Variants in KLHL15 observed in about 807,000 individuals in gnomAD.
KLHL15 encodes the protein kelch like family member 15.
In KLHL15, 1 loss-of-function variant was observed where a neutral mutation model predicts 29.3. The observed-to-expected ratio is 0.03, with a 90% confidence interval of 0.01 to 0.16. The LOEUF is 0.16. Among genes scored for constraint, KLHL15 ranks in the 10% least tolerant of loss-of-function variants. The pLI, the probability that KLHL15 is intolerant of heterozygous loss-of-function variation, is 1.00. For missense variants in KLHL15, 215 were observed against 478.5 expected (o/e 0.45, Z 5.14); for synonymous variants, 212 against 184.5 (o/e 1.15, Z -1.21).
chrX:24,025,269 G>A (rs889341451), intron 1 of KLHL15, among the ~76,000 whole-genome samples: 3 of 110,278 alleles, frequency 2.7e-5, no homozygotes, highest in Admixed American at 9.4e-5. Context: ...GAAGCGTCGA[G>A]GACGGCGTCT....
Position 23,998,948 on chromosome X carries a change from C to CGCA in KLHL15, c.705+7040_705+7041insTGC, listed in dbSNP as rs1929251353. Among the ~76,000 whole-genome samples the CGCA allele has an allele frequency of 5.4e-5, 6 of 111,298 alleles. No individual in the cohort carries two copies. In the South Asian group the frequency reaches 2.3e-3, roughly 42 times the overall value. On this transcript the variant is annotated intron_variant, in intron 3 of 3. Coordinates refer to ENST00000328046, the MANE Select transcript of KLHL15 (RefSeq NM_030624.3). Reference sequence around the variant, plus strand: ...GAGACGGAGTTTCGCTCTTGCTGCCCAGGCTGGAGTGCAGTGGTGCAGTCT... The same window carrying CGCA: ...GAGACGGAGTTTCGCTCTTGCTGCCCGCAAGGCTGGAGTGCAGTGGTGCAGTCT...
At chrX:23,995,488 T>C (rs771367548) in intron 3 of KLHL15, among the ~76,000 whole-genome samples, 38 of 106,636 alleles carry the variant, frequency 3.6e-4, no homozygotes, top group Non-Finnish European at 6.5e-4. Context: ...TTTTTTTTAA[T>C]TCCAGATTTT....
intron 3 of KLHL15, among the ~76,000 whole-genome samples, chrX:24,000,154 T>A (rs1469765620): frequency 8.9e-6 from 1 of 112,250 alleles, no homozygotes; most frequent in Non-Finnish European, 1.9e-5. Context: ...GAAATTCTAA[T>A]CAAATTTCAC....
chrX:23,985,260 A>G lies in KLHL15; in HGVS notation c.*2661T>C, dbSNP rs1280483356. The G allele has an allele frequency of 8.9e-6, 1 of 111,969 alleles. No homozygotes were observed. The highest frequency in any genetic ancestry group is 1.9e-5 in the Non-Finnish European group (1 of 53,184). The allele number at this position is 111,969 out of a possible 1,213,427, so 9.2% of individuals were successfully genotyped here. A position where few individuals can be genotyped will look rare whatever the true frequency, so the allele number is the denominator to read the frequency against. On this transcript the variant is annotated 3_prime_UTR_variant, in exon 4 of 4. Coordinates refer to ENST00000328046, the MANE Select transcript of KLHL15 (RefSeq NM_030624.3). ...ATTCAAATCTTACTGAATTTTTCAA[A>G]AAACTACTTTTTTGAGCGCAATGTA...
Position 24,014,310 on chromosome X carries a change from T to C in KLHL15, c.-7-7610A>G, listed in dbSNP as rs1182165384. Among the ~76,000 whole-genome samples the C allele has an allele frequency of 2.7e-5, 3 of 111,467 alleles. No individual in the cohort carries two copies. The South Asian group carries it at 1.1e-3, about 42-fold the overall frequency. On this transcript the variant is annotated intron_variant, in intron 2 of 3. Coordinates refer to ENST00000328046, the MANE Select transcript of KLHL15 (RefSeq NM_030624.3). ...ATAGAAGGCTGGAAATTAGTGTTCA[T>C]ATACTTGAGAGTAAACTGCTTTGTG...
chrX:23,984,540 TCA>T lies in KLHL15; in HGVS notation c.*3379_*3380del, dbSNP rs1465224089. 8.9e-6 allele frequency: 1 copy of T among 112,393 alleles called. No homozygotes were observed. Among genetic ancestry groups the T allele is most frequent in the Non-Finnish European group, 1.9e-5 (1 of 53,224 alleles). The allele number at this position is 112,393 out of a possible 1,213,427, so 9.3% of individuals were successfully genotyped here. On this transcript the variant is annotated 3_prime_UTR_variant, in exon 4 of 4. Transcript: ENST00000328046. ...ACTATTATCTATGTTGCATTTTACTTCAGTCTAAAACTTTAAATTATGAATTC... is the reference window on the plus strand; with the variant it reads ...ACTATTATCTATGTTGCATTTTACTTGTCTAAAACTTTAAATTATGAATTC...
Position 23,988,753 on chromosome X carries a change from A to G in KLHL15, c.983T>C (p.Phe328Ser). The change falls in exon 4 of 4, where the codon TTT (phenylalanine) becomes TCT (serine). Residue 328 changes from phenylalanine to serine, a missense_variant. Physicochemically the swap from Phe to Ser is radical, Grantham distance 155. Transcript: ENST00000328046. ...CTCTTCCCCGCCTAACAGGAACACA[A>G]AATTATTGACGATAGCAAGGCAGTC... ...RPDCLAIVNNFVFLLGGEELG... is the reference protein window; with the variant it reads ...RPDCLAIVNNSVFLLGGEELG... 1.7e-6 allele frequency: 2 copies of G among 1,211,702 alleles called. No homozygotes were observed. The highest frequency in any genetic ancestry group is 1.1e-6 in the Non-Finnish European group (1 of 895,539).
intron 3 of KLHL15, among the ~76,000 whole-genome samples, chrX:23,994,440 T>C (rs917962091): frequency 2.7e-5 from 3 of 112,628 alleles, no homozygotes; most frequent in African/African-American, 6.4e-5. Context: ...CACTCTGGTA[T>C]ATACCATATG....
intron 2 of KLHL15, 148 bp downstream of exon 2, chrX:24,024,709 T>C (rs1929884265): frequency 3.4e-6 from 1 of 296,112 alleles, no homozygotes. Context: ...TCAAACAATT[T>C]AAGTAAACTC....
chrX:24,026,660 C>G (rs968496498), intron 1 of KLHL15, among the ~76,000 whole-genome samples: 1 of 101,274 alleles, frequency 9.9e-6, no homozygotes, highest in Non-Finnish European at 2.0e-5. Context: ...TTATCTCTTT[C>G]TAGCAAACTT....
At chrX:24,008,899 A>C (rs1239274597) in intron 2 of KLHL15, among the ~76,000 whole-genome samples, 1 of 110,076 alleles carries the variant, frequency 9.1e-6, no homozygotes, top group Admixed American at 9.7e-5. Context: ...CAAAAAAAAA[A>C]CTTTTAGAGC....
In KLHL15 at chrX:24,024,865, G is replaced by A. The variant is rs1465621451; in HGVS notation, c.-16C>T. ...CAGGGGCGGCTACGTACCTCGGGGGGTCCTGTCCAGCCTCTAGTGGACGGC... is the reference window on the plus strand; with the variant it reads ...CAGGGGCGGCTACGTACCTCGGGGGATCCTGTCCAGCCTCTAGTGGACGGC... On this transcript the variant is annotated 5_prime_UTR_variant, in exon 2 of 4. Transcript: ENST00000328046. 2 of 297,188 alleles carry A rather than the reference G, an allele frequency of 6.7e-6. No individual in the cohort carries two copies. The highest frequency in any genetic ancestry group is 1.2e-5 in the Non-Finnish European group (2 of 169,864). 24.5% of individuals were successfully genotyped at this position (297,188 alleles called of 1,213,427 possible).
Position 24,025,051 on chromosome X carries a change from G to C in KLHL15, c.-202C>G, listed in dbSNP as rs1049778884. 2.7e-5 allele frequency: 8 copies of C among 296,639 alleles called. No homozygotes were observed. The highest frequency in any genetic ancestry group is 1.6e-4 in the African/African-American group (6 of 36,887). 24.4% of individuals were successfully genotyped at this position (296,639 alleles called of 1,213,427 possible). ...GAGTGCTCGCCTGCAGCCCCCTCTG[G>C]ATAAGTCCTGGGAAAGAAGACAGCG... On this transcript the variant is annotated 5_prime_UTR_variant, in exon 2 of 4. The change creates a new upstream start codon in the 5' untranslated region. Coordinates refer to ENST00000328046, the MANE Select transcript of KLHL15 (RefSeq NM_030624.3).
intron 3 of KLHL15, among the ~76,000 whole-genome samples, chrX:23,996,229 T>C (rs1453384213): frequency 9.0e-6 from 1 of 111,616 alleles, no homozygotes; most frequent in Non-Finnish European, 1.9e-5. Context: ...CCTTTCTACA[T>C]CCAAAAAATG....
intron 2 of KLHL15, among the ~76,000 whole-genome samples, chrX:24,014,318 A>G (rs1436711527): frequency 1.8e-5 from 2 of 111,537 alleles, no homozygotes; most frequent in Non-Finnish European, 3.8e-5. Flanking sequence ...CATATACTTG[A>G]GAGTAAACTG....
intron 2 of KLHL15, among the ~76,000 whole-genome samples, chrX:24,011,341 TAAA>T (rs565354614): frequency 3.6e-5 from 3 of 83,936 alleles, no homozygotes; most frequent in Non-Finnish European, 4.7e-5. Context: ...CACTGTCTCT[TAAA>T]AAAAAAAAAA....
rs772311353 is a variant in KLHL15 at position 24,003,556 on chromosome X, A to T, written c.705+2433T>A. Among the ~76,000 whole-genome samples the T allele has an allele frequency of 2.1e-4, 20 of 96,667 alleles. No homozygotes were observed. In the South Asian group the frequency reaches 0.014, roughly 70 times the overall value. The allele number at this position is 96,667 out of a possible 115,157, so 83.9% of individuals were successfully genotyped here. ...CAACAGAGTGAGACTCCGTCTCAAA[A>T]AAAACCAAAAAAAAAAAAACAAAAA... On this transcript the variant is annotated intron_variant, in intron 3 of 3. Transcript: ENST00000328046.
chrX:24,016,339 CAAAAAAAA>C (rs755683770), intron 2 of KLHL15, among the ~76,000 whole-genome samples: 2 of 21,691 alleles, frequency 9.2e-5, no homozygotes, highest in African/African-American at 2.9e-4. Context: ...GACTCTGTCT[CAAAAAAAA>C]AAAAAAAAAA....
At chrX:24,006,929 C>T (rs1296753155) in intron 2 of KLHL15, among the ~76,000 whole-genome samples, 7 of 111,524 alleles carry the variant, frequency 6.3e-5, no homozygotes, top group Non-Finnish European at 1.3e-4. Flanking sequence ...ATGCCTATAA[C>T]CCCAGCACTT....
Sources: allele counts gnomAD v4.1 joint callset (sites outside exome capture counted in the v4.1 genomes callset), GRCh38; gene constraint gnomAD v4.1.1; transcripts MANE v1.5; gene names NCBI Gene and HGNC (gene_info 2026-07-23, HGNC 2026-07-21).